Variants in SHANK2 observed in about 807,000 individuals in gnomAD.
The protein encoded by SHANK2 is SH3 and multiple ankyrin repeat domains protein 2.
SHANK2 carries 43 observed loss-of-function variants against 133.7 expected under a neutral mutation model. That is an observed-to-expected ratio of 0.32 (90% confidence interval 0.25 to 0.41). SHANK2 has a LOEUF of 0.41. Ranked by LOEUF, SHANK2 falls within the 10% of genes least tolerant of loss-of-function variation. The pLI, the probability that SHANK2 is intolerant of heterozygous loss-of-function variation, is 1.00. For synonymous variants in SHANK2, 1,017 were observed against 952.8 expected (o/e 1.07, Z -1.24); for missense variants, 1,994 against 2,235.8 (o/e 0.89, Z 2.18).
At chr11:71,158,064 C>T (rs1296240173) in intron 2 of SHANK2, among the ~76,000 whole-genome samples, 1 of 152,134 alleles carries the variant, frequency 6.6e-6, no homozygotes, top group Non-Finnish European at 1.5e-5. Context: ...GAGAATTTCC[C>T]AAACTCGAAC....
chr11:70,939,102 T>C (rs1458028460), intron 10 of SHANK2, among the ~76,000 whole-genome samples: 1 of 152,138 alleles, frequency 6.6e-6, no homozygotes, highest in East Asian at 1.9e-4. Flanking sequence ...GGGGTGACTT[T>C]CTTTCTCATG....
At chr11:71,242,332 C>T (rs189803225) in intron 1 of SHANK2, among the ~76,000 whole-genome samples, 9 of 152,094 alleles carry the variant, frequency 5.9e-5, no homozygotes, top group African/African-American at 2.2e-4. Flanking sequence ...GCACGATGAG[C>T]ATCCTTAATG....
intron 9 of SHANK2, among the ~76,000 whole-genome samples, chr11:71,073,147 C>CTTTCTTTTTTT (rs1951166746): frequency 1.1e-4 from 7 of 62,758 alleles, no homozygotes; most frequent in African/African-American, 2.9e-4. Flanking sequence ...TTTTTCTTTT[C>CTTTCTTTTTTT]TTTTTTTTCT....
chr11:71,226,343 T>C (rs960542998), intron 1 of SHANK2, among the ~76,000 whole-genome samples: 5 of 152,044 alleles, frequency 3.3e-5, no homozygotes, highest in African/African-American at 4.8e-5. Flanking sequence ...AATACCTAAC[T>C]TTAAATGTTT....
At chr11:70,752,652 GC>G (rs1565292311) in intron 14 of SHANK2, among the ~76,000 whole-genome samples, 1 of 143,466 alleles carries the variant, frequency 7.0e-6, no homozygotes, top group Non-Finnish European at 1.5e-5. Context: ...CTTGCAGTGA[GC>G]CGAAATCGCG....
chr11:70,708,135 C>T (rs2079078661), intron 14 of SHANK2, among the ~76,000 whole-genome samples: 1 of 152,212 alleles, frequency 6.6e-6, no homozygotes, highest in South Asian at 2.1e-4. Context: ...GTCCCTAGAC[C>T]AAGGTCCATT....
intron 22 of SHANK2, 66 bp from the exon 23 acceptor site, chr11:70,490,453 C>T (rs2058871031): frequency 1.5e-6 from 2 of 1,350,450 alleles, no homozygotes; most frequent in African/African-American, 2.9e-5. Flanking sequence ...TCACAGGGCC[C>T]AGAGACCACA....
chr11:70,811,145 C>A (rs1555053111), intron 12 of SHANK2, among the ~76,000 whole-genome samples: 2 of 152,042 alleles, frequency 1.3e-5, no homozygotes, highest in African/African-American at 4.8e-5. Context: ...GGCTTCCTCC[C>A]GAGGGGAAAG....
chr11:70,573,930 C>T (rs953086742), intron 17 of SHANK2, among the ~76,000 whole-genome samples: 1 of 152,238 alleles, frequency 6.6e-6, no homozygotes, highest in African/African-American at 2.4e-5. Flanking sequence ...GGGCTCCACA[C>T]CCTGCCCCAG....
At position 71,167,906 on chromosome 11, in the gene SHANK2, G is replaced by A. The variant is rs868962993; in HGVS notation, c.-12-20568C>T. On this transcript the variant is annotated intron_variant, in intron 2 of 25. Transcript: ENST00000601538. Reference sequence around the variant, plus strand: ...CGCCCCTCACCTCCCGGACAGGGCGGCTGTCCGGGCGGGGGGCTGACCCCC... The same window carrying A: ...CGCCCCTCACCTCCCGGACAGGGCGACTGTCCGGGCGGGGGGCTGACCCCC... Among the ~76,000 whole-genome samples, 60 of 147,742 alleles carry A rather than the reference G, an allele frequency of 4.1e-4. 3 individuals carry two copies. The highest frequency in any genetic ancestry group is 1.4e-3 in the African/African-American group (54 of 39,392).
Position 70,882,970 on chromosome 11 carries a change from A to G in SHANK2, c.1174+13531T>C, listed in dbSNP as rs1949680437. Among the ~76,000 whole-genome samples, 1 of 152,142 alleles carries G rather than the reference A, an allele frequency of 6.6e-6. No homozygotes were observed. Among genetic ancestry groups the G allele is most frequent in the South Asian group, 2.1e-4 (1 of 4,826 alleles). On this transcript the variant is annotated intron_variant, in intron 11 of 25. Coordinates refer to ENST00000601538, the MANE Select transcript of SHANK2 (RefSeq NM_012309.5). This position sits in a 1 kb window ranked among gnomAD's most constrained non-coding sequence, Gnocchi z 4.2. ...CCTGCGGCCTGTGGGAGGGGAGGGC[A>G]GGAGCCAGGGTCCCAGAGGTCAAGG...
chr11:70,863,591 C>G (rs1265376422), intron 11 of SHANK2: 6 of 454,180 alleles, frequency 1.3e-5, no homozygotes, highest in African/African-American at 1.2e-4. Flanking sequence ...ATAACTCAGG[C>G]TGGTGCAAAC....
chr11:71,121,079 C>T (rs1169041530), intron 3 of SHANK2, among the ~76,000 whole-genome samples: 1 of 152,234 alleles, frequency 6.6e-6, no homozygotes, highest in African/African-American at 2.4e-5. Context: ...ATGCTAAGAG[C>T]ACCACCTTGA....
chr11:71,087,184 C>A (rs947411515), intron 8 of SHANK2, among the ~76,000 whole-genome samples: 1 of 152,170 alleles, frequency 6.6e-6, no homozygotes, highest in Non-Finnish European at 1.5e-5. Context: ...CAGAACCTGG[C>A]CCTTTGCAGG....
intron 8 of SHANK2, among the ~76,000 whole-genome samples, chr11:71,084,916 G>A (rs902957875): frequency 5.1e-4 from 77 of 152,284 alleles, no homozygotes; most frequent in African/African-American, 1.8e-3. Flanking sequence ...TGCAATTAAA[G>A]CAGCTCAGGA....
intron 1 of SHANK2, among the ~76,000 whole-genome samples, chr11:71,231,743 G>T (rs771122235): frequency 4.6e-5 from 7 of 152,144 alleles, no homozygotes; most frequent in Non-Finnish European, 1.0e-4. Context: ...ACATAAATTA[G>T]CTGGGCATGG....
chr11:71,200,996 G>A (rs115404363), intron 2 of SHANK2, among the ~76,000 whole-genome samples: 2,094 of 152,202 alleles, frequency 0.014, 49 homozygotes, highest in African/African-American at 0.047. Flanking sequence ...GGCCTGCCAC[G>A]GGCCCCGAGG....
At chr11:71,126,725 CTTTTTTT>C (rs200961805) in intron 3 of SHANK2, among the ~76,000 whole-genome samples, 1 of 130,282 alleles carries the variant, frequency 7.7e-6, no homozygotes, top group Non-Finnish European at 1.6e-5. Context: ...TCATAAACGA[CTTTTTTT>C]TTTTTTTTTT....
chr11:70,525,393 C>T (rs887972248), intron 17 of SHANK2, among the ~76,000 whole-genome samples: 5 of 152,182 alleles, frequency 3.3e-5, no homozygotes, highest in Non-Finnish European at 7.4e-5. Flanking sequence ...AGGACAGCAG[C>T]CCCTAACACC....
Sources: gnomAD v4.1 joint callset for allele counts (sites outside exome capture counted in the v4.1 genomes callset) on GRCh38, gnomAD v4.1.1 for gene constraint, Gnocchi (gnomAD v3.1) non-coding constraint, MANE v1.5 for transcripts, NCBI Gene and HGNC (gene_info 2026-07-23, HGNC 2026-07-21) for gene names.